The following FBXL13 variants were observed in gnomAD, a reference collection of about 807,000 sequenced individuals.
The protein encoded by FBXL13 is F-box and leucine-rich repeat protein 13.
A neutral mutation model predicts 83.6 loss-of-function variants in FBXL13; 67 were observed. The ratio of observed to expected loss-of-function variants is 0.80; its 90% confidence interval spans 0.66 to 0.98. The LOEUF (loss-of-function observed/expected upper bound fraction) is 0.98. Among genes scored for constraint, FBXL13 ranks in the 50% least tolerant of loss-of-function variants. The probability of loss-of-function intolerance (pLI) is 0.00; values close to 1 mark genes in which losing one functional copy is unlikely to be tolerated. For synonymous variants in FBXL13, 272 were observed against 299.5 expected, an observed-to-expected ratio of 0.91 and a Z score of 0.95; for missense variants, 822 against 866.5, an observed-to-expected ratio of 0.95 and a Z score of 0.64.
intron 11 of FBXL13, among the ~76,000 whole-genome samples, chr7:102,910,276 T>A (rs1347597500): frequency 6.6e-6 from 1 of 152,198 alleles, no homozygotes. Flanking sequence ...GATTCAGGAC[T>A]ATTGTTTCTA....
chr7:103,041,657 G>C lies in FBXL13; in HGVS notation c.1-12239C>G, dbSNP rs962340389. On this transcript the variant is annotated intron_variant, in intron 2 of 19. Transcript: ENST00000313221. ...GTTGGCTTCATCCCTGGGATGCAAG[G>C]CTGGTTCAACATATGCAAATCAATA... Among the ~76,000 whole-genome samples the C allele has an allele frequency of 5.9e-5, 9 of 152,056 alleles. 1 individual carries two copies. Among genetic ancestry groups the C allele is most frequent in the Admixed American group, 2.0e-4 (3 of 15,276 alleles).
chr7:102,941,548 T>C (rs1471051110), intron 8 of FBXL13, among the ~76,000 whole-genome samples: 2 of 151,942 alleles, frequency 1.3e-5, no homozygotes, highest in African/African-American at 2.4e-5. Context: ...TCCATTGCAA[T>C]TCCCCTGTCT....
chr7:102,847,713 G>C (rs1804271267), intron 17 of FBXL13, among the ~76,000 whole-genome samples: 2 of 151,940 alleles, frequency 1.3e-5, no homozygotes, highest in Admixed American at 6.6e-5. Flanking sequence ...ATTTTTAGTA[G>C]AGACAGGGTT....
intron 11 of FBXL13, among the ~76,000 whole-genome samples, chr7:102,910,525 G>T (rs146436288): frequency 1.3e-5 from 2 of 151,678 alleles, no homozygotes; most frequent in African/African-American, 4.9e-5. Context: ...AGTTTGTCAC[G>T]GGCTCTCAAC....
At chr7:103,060,030 A>AC (rs1360970297) in intron 1 of FBXL13, among the ~76,000 whole-genome samples, 1 of 85,612 alleles carries the variant, frequency 1.2e-5, no homozygotes, top group African/African-American at 5.3e-5. Context: ...TTATATATAT[A>AC]TATATATATA....
chr7:102,990,690 T>A (rs1421494551), intron 6 of FBXL13, among the ~76,000 whole-genome samples: 1 of 152,122 alleles, frequency 6.6e-6, no homozygotes, highest in Non-Finnish European at 1.5e-5. Flanking sequence ...AAAGGTAGCC[T>A]TTCTGGAAGA....
intron 8 of FBXL13, among the ~76,000 whole-genome samples, chr7:102,940,371 G>C (rs999799872): frequency 6.6e-6 from 1 of 151,156 alleles, no homozygotes; most frequent in Non-Finnish European, 1.5e-5. Context: ...CACCACGCCC[G>C]GCTAATTTTT....
chr7:103,005,669 T>G (rs1406384265), intron 6 of FBXL13, among the ~76,000 whole-genome samples: 2 of 152,190 alleles, frequency 1.3e-5, no homozygotes, highest in Non-Finnish European at 2.9e-5. Context: ...TTCTTTCTCT[T>G]CTTAAAAGGG....
At chr7:102,975,599 T>A (rs1376796131) in intron 6 of FBXL13, among the ~76,000 whole-genome samples, 1 of 152,134 alleles carries the variant, frequency 6.6e-6, no homozygotes, top group African/African-American at 2.4e-5. Context: ...CTTTCAGAAA[T>A]CACCCAAGGT....
chr7:103,044,773 A>T (rs1220822422), intron 2 of FBXL13, among the ~76,000 whole-genome samples: 4 of 152,192 alleles, frequency 2.6e-5, no homozygotes, highest in African/African-American at 9.6e-5. Context: ...AATGAGAACC[A>T]AGTCTGTGAA....
chr7:103,009,192 C>T (rs1791317347), intron 6 of FBXL13, among the ~76,000 whole-genome samples: 1 of 152,046 alleles, frequency 6.6e-6, no homozygotes, highest in Non-Finnish European at 1.5e-5. Context: ...ATTAATATGA[C>T]ATTTAAAAAG....
chr7:103,019,821 G>T (rs1792903837), intron 6 of FBXL13, among the ~76,000 whole-genome samples: 1 of 152,116 alleles, frequency 6.6e-6, no homozygotes, highest in Non-Finnish European at 1.5e-5. Context: ...TGAAACTGAG[G>T]CAATAATTAA....
At chr7:102,927,560 T>A (rs1437143470) in intron 9 of FBXL13, among the ~76,000 whole-genome samples, 3 of 152,148 alleles carry the variant, frequency 2.0e-5, no homozygotes, top group Admixed American at 6.5e-5. Flanking sequence ...CACACTCAGA[T>A]AGGAATTGGT....
chr7:102,825,754 A>T (rs1799515953), intron 18 of FBXL13, among the ~76,000 whole-genome samples: 1 of 152,214 alleles, frequency 6.6e-6, no homozygotes, highest in South Asian at 2.1e-4. Context: ...TGATACCTCA[A>T]ATAATAATGT....
At chr7:102,813,586 A>C (rs1775495806) in intron 19 of FBXL13, 55 bp from the exon 21 acceptor site, 2 of 1,561,704 alleles carry the variant, frequency 1.3e-6, no homozygotes, top group Admixed American at 1.9e-5. Flanking sequence ...CTAGTGCAAA[A>C]TTTTCAAACT....
exon 16 of FBXL13, chr7:102,877,567 A>G (rs753040727): frequency 1.2e-6 from 2 of 1,610,166 alleles, no homozygotes; most frequent in Admixed American, 3.4e-5. Context: ...ACAATTTCGT[A>G]AACTCAAGTA....
chr7:102,831,540 T>C (rs969666135), intron 18 of FBXL13, among the ~76,000 whole-genome samples: 1 of 152,134 alleles, frequency 6.6e-6, no homozygotes, highest in African/African-American at 2.4e-5. Context: ...GGAGAGACAG[T>C]TGCCCAGATT....
rs1031168266 is a variant in FBXL13 at position 103,011,596 on chromosome 7, C to G, written c.495+13467G>C. ...GAGGTTGCAGTAAGGGAAGATAGCACCACTACACTCCAGCCTGGGAGACAG... is the reference window on the plus strand; with the variant it reads ...GAGGTTGCAGTAAGGGAAGATAGCAGCACTACACTCCAGCCTGGGAGACAG... On this transcript the variant is annotated intron_variant, in intron 6 of 19. Coordinates refer to ENST00000313221, the Ensembl canonical transcript of FBXL13. Among the ~76,000 whole-genome samples, 2 of 150,736 alleles carry G rather than the reference C, an allele frequency of 1.3e-5. 1 individual carries two copies.
At chr7:102,888,549 G>A in intron 11 of FBXL13, among the ~76,000 whole-genome samples, 1 of 152,110 alleles carries the variant, frequency 6.6e-6, no homozygotes, top group Admixed American at 6.6e-5. Flanking sequence ...TAAAAGAAAA[G>A]AAAAAGATTC....
Sources: allele counts gnomAD v4.1 joint callset (sites outside exome capture counted in the v4.1 genomes callset), GRCh38; gene constraint gnomAD v4.1.1; transcripts MANE v1.5; gene names NCBI Gene and HGNC (gene_info 2026-07-23, HGNC 2026-07-21).